INTS1: variants seen among roughly 807,000 people sequenced by gnomAD.
INTS1 encodes the protein integrator complex subunit 1.
INTS1 carries 137 observed loss-of-function variants against 241.6 expected under a neutral mutation model. That is an observed-to-expected ratio of 0.57 (90% CI 0.49 to 0.65). INTS1 has a LOEUF of 0.65. INTS1 is among the 30% of genes least tolerant of loss of function. The pLI, the probability that INTS1 is intolerant of heterozygous loss-of-function variation, is 0.00. For synonymous variants in INTS1, 1,692 were observed against 1,337.8 expected, an observed-to-expected ratio of 1.26 and a Z score of -5.78; for missense variants, 3,073 against 3,032.2, an observed-to-expected ratio of 1.01 and a Z score of -0.32.
At chr7:1,471,372 TC>T in intron 45 of INTS1, 148 bp from the exon 46 acceptor site, 1 of 1,030,508 alleles carries the variant, frequency 9.7e-7, no homozygotes, top group Non-Finnish European at 1.4e-6. Flanking sequence ...CACTGGCCGG[TC>T]CCAGCCCGGG....
chr7:1,480,856 C>T lies in INTS1; in HGVS notation c.3928G>A (p.Ala1310Thr), dbSNP rs779195072. ...GGQTFHSLLT[A>T]SLPPRRDSTE... is the part of the protein sequence containing the mutation. ...GTACCTCGGCGGGGCGGCAGGGAGGCTGTGAGCAAGGAGTGGAAAGTCTGG... is the reference window on the plus strand; with the variant it reads ...GTACCTCGGCGGGGCGGCAGGGAGGTTGTGAGCAAGGAGTGGAAAGTCTGG... Residue 1310 changes from alanine to threonine, a missense_variant, in exon 29 of 48, where the codon GCC becomes ACC. Coordinates refer to ENST00000404767, the MANE Select transcript of INTS1 (RefSeq NM_001080453.3). 7.9e-5 allele frequency: 122 copies of T among 1,553,922 alleles called. 3 individuals carry two copies. In the South Asian group the frequency reaches 1.4e-3, roughly 18 times the overall value.
chr7:1,473,525 G>A lies in INTS1; in HGVS notation c.5957+41C>T, dbSNP rs770696916. ...ACCCTCCAGACCCCGCTGGACCCTC[G>A]CCGGAGGCCCGAGGCTTCCCTGCAG... On this transcript the variant is annotated intron_variant, in intron 42 of 47. Coordinates refer to ENST00000404767, the MANE Select transcript of INTS1 (RefSeq NM_001080453.3). 1.2e-5 allele frequency: 18 copies of A among 1,555,458 alleles called. No homozygotes were observed. In the East Asian group the frequency reaches 1.2e-4, roughly 10 times the overall value.
At chr7:1,501,553 T>C in intron 3 of INTS1, among the ~76,000 whole-genome samples, 1 of 152,160 alleles carries the variant, frequency 6.6e-6, no homozygotes, top group East Asian at 1.9e-4. Flanking sequence ...AATACGCTTT[T>C]CATAACCACG....
intron 13 of INTS1, 131 bp from the exon 14 acceptor site, chr7:1,495,024 A>G (rs1782776943): frequency 9.7e-7 from 1 of 1,032,736 alleles, no homozygotes; most frequent in Non-Finnish European, 1.4e-6. Context: ...GCCCAAGCTC[A>G]GCACCTCCTC....
intron 16 of INTS1, among the ~76,000 whole-genome samples, chr7:1,491,324 GC>G (rs1363892129): frequency 2.0e-5 from 3 of 152,222 alleles, no homozygotes; most frequent in African/African-American, 7.2e-5. Flanking sequence ...CCGACACGAA[GC>G]CAAGAGAACC....
At chr7:1,490,967 CAG>C (rs1782519445) in intron 16 of INTS1, among the ~76,000 whole-genome samples, 1 of 152,216 alleles carries the variant, frequency 6.6e-6, no homozygotes, top group Non-Finnish European at 1.5e-5. Context: ...AGGCCACCGA[CAG>C]GGCGCCAAGA....
At chr7:1,495,855 C>G (rs1401458073) in intron 12 of INTS1, among the ~76,000 whole-genome samples, 1 of 152,222 alleles carries the variant, frequency 6.6e-6, no homozygotes, top group Admixed American at 6.5e-5. Flanking sequence ...CAAACACCAC[C>G]TCCCCTCCCC....
At chr7:1,504,139 G>A (rs940124900) in intron 1 of INTS1, 138 bp from the exon 2 acceptor site, 20 of 561,020 alleles carry the variant, frequency 3.6e-5, no homozygotes, top group East Asian at 2.4e-4. Flanking sequence ...CGATGCTGCA[G>A]GAGCTGCAGG....
rs1781999546 is a variant in INTS1 at position 1,481,571 on chromosome 7, G to A, written c.3704-83C>T. 2 of 1,423,826 alleles carry A rather than the reference G, an allele frequency of 1.4e-6. No homozygotes were observed. Among genetic ancestry groups the A allele is most frequent in the Non-Finnish European group, 1.9e-6 (2 of 1,073,212 alleles). The allele number at this position is 1,423,826 out of a possible 1,614,324, so 88.2% of individuals were successfully genotyped here. A position where few individuals can be genotyped will look rare whatever the true frequency, so the allele number is the denominator to read the frequency against. On this transcript the variant is annotated intron_variant, in intron 27 of 47. Transcript: ENST00000404767. The surrounding 1 kb of genome is among the most constrained non-coding windows in gnomAD (Gnocchi z 6.8). ...CCCCACCCGAGACCTGGGGCTGCCT[G>A]TGTGCAGTGACCCCACCCACCTGAG... is the stretch of plus-strand genomic sequence containing the variant.
At chr7:1,477,078 T>C (rs1781759863) in intron 35 of INTS1, among the ~76,000 whole-genome samples, 160 bp from the exon 36 acceptor site, 1 of 152,164 alleles carries the variant, frequency 6.6e-6, no homozygotes, top group African/African-American at 2.4e-5. Context: ...CCGCTCCTGG[T>C]GGCTGCGCTG....
chr7:1,501,525 A>G (rs1562524773), intron 3 of INTS1, among the ~76,000 whole-genome samples: 3 of 152,028 alleles, frequency 2.0e-5, no homozygotes, highest in Admixed American at 6.6e-5. Context: ...TAATACTATA[A>G]AGTGATCTAC....
At chr7:1,478,979 A>C in intron 31 of INTS1, 94 bp from the exon 32 acceptor site, 1 of 1,364,024 alleles carries the variant, frequency 7.3e-7, no homozygotes, top group Non-Finnish European at 9.8e-7. Context: ...GGCTGCTGAG[A>C]CCTGCCGCGA....
rs563612105 is a variant in INTS1, at chr7:1,471,317, C to T, written c.6256-93G>A. On this transcript the variant is annotated intron_variant, in intron 45 of 47. Coordinates refer to ENST00000404767, the MANE Select transcript of INTS1 (RefSeq NM_001080453.3). ...TTGGTCTCGTGATGGTTGGCGGCAA[C>T]GGCAGGGACCCTAGGCCCCTATCCA... 6.2e-4 allele frequency: 810 copies of T among 1,308,034 alleles called. 3 individuals carry two copies. The highest frequency in any genetic ancestry group is 1.0e-4 in the Admixed American group (5 of 49,692). 81.0% of individuals were successfully genotyped at this position (1,308,034 alleles called of 1,614,324 possible). A position where few individuals can be genotyped will look rare whatever the true frequency, so the allele number is the denominator to read the frequency against.
Position 1,472,331 on chromosome 7 carries a change from C to CA in INTS1, c.6125dup (p.Thr2043AspfsTer27). 1.3e-6 allele frequency: 2 copies of CA among 1,573,440 alleles called. No individual in the cohort carries two copies. The highest frequency in any genetic ancestry group is 1.8e-5 in the Admixed American group (1 of 54,084). On this transcript the variant is annotated frameshift_variant, in exon 44 of 48. Transcript: ENST00000404767. LOFTEE classifies it high-confidence loss of function. ...TGTAGGGGGCCATCTCGGCCGCGGT[C>CA]AGAGGGGTGAACAGGGAGACGCTGA...
rs570966830 is a variant in INTS1 at position 1,478,783 on chromosome 7, G to A, written c.4432C>T (p.Arg1478Trp). 2.9e-5 allele frequency: 47 copies of A among 1,602,880 alleles called. No individual in the cohort carries two copies. The East Asian group carries it at 4.7e-4, about 16-fold the overall frequency. Residue 1478 changes from arginine to tryptophan, a missense_variant, in exon 32 of 48, where the codon CGG becomes TGG. By Grantham distance (101) the Arg-to-Trp change is moderately radical (BLOSUM62 -3). Transcript: ENST00000404767. The part of the protein sequence containing the change: ...DSPGVEGGPL[R>W]AQLRMLASQA... The stretch of plus-strand genomic sequence containing the variant: ...CTGGCAAGCATCCTGAGCTGTGCCC[G>A]CAGGGGCCCGCCCTCCACGCCAGGG...
chr7:1,491,229 C>A (rs1199525850), intron 16 of INTS1, among the ~76,000 whole-genome samples: 1 of 152,250 alleles, frequency 6.6e-6, no homozygotes, highest in Non-Finnish European at 1.5e-5. Context: ...GATGATCGGG[C>A]CTCCCCAAAG....
rs1157135032 is a variant in INTS1, at chr7:1,487,409, C to T, written c.2557G>A (p.Val853Met). 1 of 1,612,188 alleles carries T rather than the reference C, an allele frequency of 6.2e-7. No individual in the cohort carries two copies. The highest frequency in any genetic ancestry group is 8.5e-7 in the Non-Finnish European group (1 of 1,179,524). ...RRPPPHILDQ[V>M]KSLNQSLRLG... ...CGGAGGGACTGGTTGAGGCTTTTCACTTGATCCAGGATGTGAGGGGGAGGC... is the reference window on the plus strand; with the variant it reads ...CGGAGGGACTGGTTGAGGCTTTTCATTTGATCCAGGATGTGAGGGGGAGGC... Residue 853 changes from valine (V) to methionine (M), a missense_variant, in exon 20 of 48, where the codon GTG (valine) becomes ATG (methionine). Transcript: ENST00000404767.
chr7:1,502,334 G>A (rs1213794313), intron 3 of INTS1, among the ~76,000 whole-genome samples: 3 of 152,168 alleles, frequency 2.0e-5, no homozygotes, highest in South Asian at 4.1e-4. Context: ...AAATGGCGCA[G>A]AGGGGCAGGG....
At chr7:1,503,624 C>T (rs1377370609) in intron 2 of INTS1, among the ~76,000 whole-genome samples, 1 of 152,230 alleles carries the variant, frequency 6.6e-6, no homozygotes, top group Non-Finnish European at 1.5e-5. Context: ...TGCCTCCCGC[C>T]TCCTGGCTGG....
Sources: allele counts gnomAD v4.1 joint callset (sites outside exome capture counted in the v4.1 genomes callset), GRCh38; gene constraint gnomAD v4.1.1; non-coding constraint Gnocchi (gnomAD v3.1); transcripts MANE v1.5; gene names NCBI Gene and HGNC (gene_info 2026-07-23, HGNC 2026-07-21).